Variants in DNAL4 observed in about 807,000 individuals in gnomAD.
DNAL4 encodes the protein dynein axonemal light chain 4.
In DNAL4, 10 loss-of-function variants were observed where a neutral mutation model predicts 12.6. The ratio of observed to expected loss-of-function variants is 0.79; its 90% CI spans 0.49 to 1.34. DNAL4 has a LOEUF of 1.34. DNAL4 is among the 40% of genes most tolerant of loss of function. The pLI is 0.00. For synonymous variants in DNAL4, 46 were observed against 53.1 expected (o/e 0.87, Z 0.58); for missense variants, 128 against 138.1 (o/e 0.93, Z 0.37).
chr22:38,779,514 C>T lies in DNAL4; in HGVS notation c.253G>A (p.Val85Met), dbSNP rs749569243. 4 of 1,582,352 alleles carry T rather than the reference C, an allele frequency of 2.5e-6. No individual in the cohort carries two copies. The highest frequency in any genetic ancestry group is 8.6e-7 in the Non-Finnish European group (1 of 1,163,404). Reference protein sequence around the residue: ...EGFGFEITHEVKNLLYLYFGG... With the variant: ...EGFGFEITHEMKNLLYLYFGG... ...AAGTACAGGTAGAGGAGGTTCTTCA[C>T]CTCGTGGGTGATCTCAAACCCAAAG... The change falls in exon 4 of 4, where the codon GTG becomes ATG. Residue 85 changes from valine to methionine, a missense_variant. By Grantham distance (21) the Val-to-Met change is conservative. Coordinates refer to ENST00000216068, the MANE Select transcript of DNAL4 (RefSeq NM_005740.3). This position sits in a 1 kb window ranked among gnomAD's most constrained non-coding sequence, Gnocchi z 4.3.
At chr22:38,783,874 G>A (rs143971048) in intron 1 of DNAL4, among the ~76,000 whole-genome samples, 136 of 152,260 alleles carry the variant, frequency 8.9e-4, no homozygotes, top group Admixed American at 3.0e-3. Context: ...CTACTAAAGA[G>A]ACGGGCCTGG....
chr22:38,792,172 G>C (rs1373495612), intron 1 of DNAL4, among the ~76,000 whole-genome samples: 1 of 151,786 alleles, frequency 6.6e-6, no homozygotes, highest in Non-Finnish European at 1.5e-5. Context: ...CTCTTTCGTA[G>C]TAACACTTAG....
In DNAL4 at chr22:38,779,278, A is replaced by G. The variant is rs1379435455; in HGVS notation, c.*171T>C. On this transcript the variant is annotated 3_prime_UTR_variant, in exon 4 of 4. Transcript: ENST00000216068. This position sits in a 1 kb window ranked among gnomAD's most constrained non-coding sequence, Gnocchi z 4.3. Reference sequence around the variant, plus strand: ...GAGGGAGACGGTTGAGAGCCTGGGGATGGAGATGTCAAGTTCACACACTGG... The same window carrying G: ...GAGGGAGACGGTTGAGAGCCTGGGGGTGGAGATGTCAAGTTCACACACTGG... 2.4e-6 allele frequency: 2 copies of G among 829,318 alleles called. No homozygotes were observed. The highest frequency in any genetic ancestry group is 3.4e-5 in the African/African-American group (2 of 58,284). The allele number at this position is 829,318 out of a possible 1,614,324, so 51.4% of individuals were successfully genotyped here.
intron 1 of DNAL4, among the ~76,000 whole-genome samples, chr22:38,783,745 T>G (rs1290658750): frequency 6.6e-6 from 1 of 152,122 alleles, no homozygotes; most frequent in Non-Finnish European, 1.5e-5. Context: ...GTGGGTACAG[T>G]CACATCCATC....
rs1240827033 is a variant in DNAL4, at chr22:38,779,860, C to A, written c.154-247G>T. Among the ~76,000 whole-genome samples, 1 of 152,178 alleles carries A rather than the reference C, an allele frequency of 6.6e-6. No homozygotes were observed. The highest frequency in any genetic ancestry group is 2.4e-5 in the African/African-American group (1 of 41,444). Reference sequence around the variant, plus strand: ...GAAGAAACTGGCTGAGGCGGGAAGGCAAGCATCAGGTCTGGAGATAGCCTG... The same window carrying A: ...GAAGAAACTGGCTGAGGCGGGAAGGAAAGCATCAGGTCTGGAGATAGCCTG... On this transcript the variant is annotated intron_variant, in intron 3 of 3. Transcript: ENST00000216068. The surrounding 1 kb of genome is among the most constrained non-coding windows in gnomAD (Gnocchi z 4.3).
chr22:38,784,537 GTC>G (rs1305198094), intron 1 of DNAL4, among the ~76,000 whole-genome samples: 6 of 145,650 alleles, frequency 4.1e-5, no homozygotes, highest in Non-Finnish European at 7.5e-5. Flanking sequence ...TTGAGACGGA[GTC>G]TCACTCTGTC....
rs117810641 is a variant in DNAL4 at position 38,783,762 on chromosome 22, G to A, written c.-139-892C>T. Among the ~76,000 whole-genome samples the A allele has an allele frequency of 5.5e-4, 83 of 152,264 alleles. 1 individual carries two copies. The East Asian group carries it at 0.015, about 28-fold the overall frequency. ...GGGTACAGTCACATCCATCTCATGC[G>A]GCCGTTATGAGAATTCAAAGAAACA... On this transcript the variant is annotated intron_variant, in intron 1 of 3. Transcript: ENST00000216068.
intron 1 of DNAL4, among the ~76,000 whole-genome samples, chr22:38,790,394 A>T (rs2093048774): frequency 6.6e-6 from 1 of 152,204 alleles, no homozygotes; most frequent in Non-Finnish European, 1.5e-5. Context: ...CAACCTGACA[A>T]CTGCCCAAAT....
chr22:38,780,107 C>G (rs2146162573), intron 3 of DNAL4, among the ~76,000 whole-genome samples: 1 of 152,308 alleles, frequency 6.6e-6, no homozygotes, highest in South Asian at 2.1e-4. Context: ...CCTGTGCCTG[C>G]TCTTTCAAGA....
intron 1 of DNAL4, among the ~76,000 whole-genome samples, chr22:38,787,174 G>C (rs1310082261): frequency 6.6e-6 from 1 of 151,774 alleles, no homozygotes; most frequent in African/African-American, 2.4e-5. Flanking sequence ...TTCACATCTT[G>C]GTTCTGTTTT....
intron 1 of DNAL4, among the ~76,000 whole-genome samples, chr22:38,792,564 G>A (rs544169318): frequency 3.3e-5 from 5 of 152,366 alleles, no homozygotes; most frequent in African/African-American, 9.6e-5. Flanking sequence ...ATTAATAGGC[G>A]TGAGCCACCG....
In DNAL4 at chr22:38,784,985, C is replaced by CCG. The variant is rs916672424; in HGVS notation, c.-139-2116_-139-2115insCG. 6.6e-3 allele frequency among the ~76,000 whole-genome samples: 998 copies of CCG among 150,512 alleles called. 15 individuals carry two copies. Among genetic ancestry groups the CCG allele is most frequent in the African/African-American group, 0.023 (960 of 40,856 alleles). On this transcript the variant is annotated intron_variant, in intron 1 of 3. Coordinates refer to ENST00000216068, the MANE Select transcript of DNAL4 (RefSeq NM_005740.3). ...GGAAGCCTGGCACAGACCCCCCCCC[C>CCG]CATCCAATGACATTGGTATTTTCTG...
At position 38,779,651 on chromosome 22, in the gene DNAL4, C is replaced by A; in HGVS notation, c.154-38G>T. 1 of 1,565,390 alleles carries A rather than the reference C, an allele frequency of 6.4e-7. No homozygotes were observed. The highest frequency in any genetic ancestry group is 1.2e-5 in the South Asian group (1 of 85,086). On this transcript the variant is annotated intron_variant, in intron 3 of 3. Coordinates refer to ENST00000216068, the MANE Select transcript of DNAL4 (RefSeq NM_005740.3). The surrounding 1 kb of genome is among the most constrained non-coding windows in gnomAD (Gnocchi z 4.3). ...GGGCACTTATCAAGGGGGCGCAGGG[C>A]AGGTGGGGGCAGGAGTCAGGTCCTT...
chr22:38,791,423 G>T (rs1217076743), intron 1 of DNAL4, among the ~76,000 whole-genome samples: 2 of 148,688 alleles, frequency 1.3e-5, no homozygotes, highest in East Asian at 4.1e-4. Context: ...CCGTGATCTC[G>T]GCTCACTGCA....
Position 38,779,582 on chromosome 22 carries a change from T to C in DNAL4, c.185A>G (p.Asp62Gly). 2 of 1,598,672 alleles carry C rather than the reference T, an allele frequency of 1.3e-6. No individual in the cohort carries two copies. Among genetic ancestry groups the C allele is most frequent in the Non-Finnish European group, 1.7e-6 (2 of 1,171,778 alleles). Residue 62 changes from aspartate to glycine, a missense_variant, in exon 4 of 4, where the codon GAC becomes GGC. Coordinates refer to ENST00000216068, the MANE Select transcript of DNAL4 (RefSeq NM_005740.3). The surrounding 1 kb of genome is among the most constrained non-coding windows in gnomAD (Gnocchi z 4.3). ...SAAKMIKETMDKKFGSSWHVV... is the reference protein window; with the variant it reads ...SAAKMIKETMGKKFGSSWHVV... Reference sequence around the variant, plus strand: ...GTGCCAGGAGGAGCCGAACTTCTTGTCCATTGTCTCTTTGATCATCTTGGC... The same window carrying C: ...GTGCCAGGAGGAGCCGAACTTCTTGCCCATTGTCTCTTTGATCATCTTGGC...
chr22:38,779,396 C>T lies in DNAL4; in HGVS notation c.*53G>A, dbSNP rs974102750. On this transcript the variant is annotated 3_prime_UTR_variant, in exon 4 of 4. Transcript: ENST00000216068. This position sits in a 1 kb window ranked among gnomAD's most constrained non-coding sequence, Gnocchi z 4.3. Reference sequence around the variant, plus strand: ...GACCTGCCTAGGGCTGCTCCCCACCCCAGATGAGTGGCAGGAAAAGGCCCT... The same window carrying T: ...GACCTGCCTAGGGCTGCTCCCCACCTCAGATGAGTGGCAGGAAAAGGCCCT... The T allele has an allele frequency of 3.3e-6, 5 of 1,532,904 alleles. No homozygotes were observed. In the South Asian group the frequency reaches 4.9e-5, roughly 15 times the overall value. 95.0% of individuals were successfully genotyped at this position (1,532,904 alleles called of 1,614,324 possible). A position where few individuals can be genotyped will look rare whatever the true frequency, so the allele number is the denominator to read the frequency against.
At chr22:38,791,415 G>A (rs753211578) in intron 1 of DNAL4, among the ~76,000 whole-genome samples, 24 of 152,034 alleles carry the variant, frequency 1.6e-4, no homozygotes, top group Middle Eastern at 3.4e-3. Flanking sequence ...GTGCAAAGCC[G>A]TGATCTCGGC....
In DNAL4 at chr22:38,779,551, C is replaced by T. The variant is rs1189488549; in HGVS notation, c.216G>A (p.Val72=). ...TCTCAAACCCAAAGCCCTCGCCGAT[C>T]ACCACGTGCCAGGAGGAGCCGAACT... ...DKKFGSSWHV[V]IGEGFGFEIT... The change falls in exon 4 of 4, where the codon GTG becomes GTA. Residue 72 remains valine, a synonymous_variant. Transcript: ENST00000216068. This position sits in a 1 kb window ranked among gnomAD's most constrained non-coding sequence, Gnocchi z 4.3. 5 of 1,592,814 alleles carry T rather than the reference C, an allele frequency of 3.1e-6. No individual in the cohort carries two copies. The highest frequency in any genetic ancestry group is 4.3e-6 in the Non-Finnish European group (5 of 1,168,714).
At chr22:38,788,367 T>G (rs972199377) in intron 1 of DNAL4, among the ~76,000 whole-genome samples, 7 of 152,190 alleles carry the variant, frequency 4.6e-5, no homozygotes, top group Non-Finnish European at 1.0e-4. Flanking sequence ...TCAGCCCTCC[T>G]CAAGAAAAGT....
Sources: gnomAD v4.1 joint callset for allele counts (sites outside exome capture counted in the v4.1 genomes callset) on GRCh38, gnomAD v4.1.1 for gene constraint, Gnocchi (gnomAD v3.1) non-coding constraint, MANE v1.5 for transcripts, NCBI Gene and HGNC (gene_info 2026-07-23, HGNC 2026-07-21) for gene names.